The following RBFOX2 variants were observed in gnomAD, a reference collection of about 807,000 sequenced individuals.
RBFOX2 encodes the protein RNA binding fox-1 homolog 2.
In RBFOX2, 10 loss-of-function variants were observed where a neutral mutation model predicts 49.1. That is an observed-to-expected ratio of 0.20 (90% CI 0.13 to 0.35). The LOEUF is 0.35. Among genes scored for constraint, RBFOX2 ranks in the 10% least tolerant of loss-of-function variants. The pLI, the probability that RBFOX2 is intolerant of heterozygous loss-of-function variation, is 1.00. For synonymous variants in RBFOX2, 183 were observed against 187.4 expected (o/e 0.98, Z 0.19); for missense variants, 323 against 486.9 (o/e 0.66, Z 3.17).
At chr22:35,964,636 C>T (rs190045750), upstream of RBFOX2, among the ~76,000 whole-genome samples, 2 of 152,284 alleles carry the variant, frequency 1.3e-5, no homozygotes, top group East Asian at 3.9e-4. Context: ...CTAATGCAGT[C>T]AGGATCTATA....
intron 9 of RBFOX2, 197 bp from the exon 12 acceptor site, chr22:35,746,758 T>C (rs1247833953): frequency 2.5e-6 from 1 of 397,174 alleles, no homozygotes; most frequent in Admixed American, 4.4e-5. Context: ...AATTAAGCCC[T>C]ACGATATGCA....
At chr22:35,901,104 C>A (rs2048513774) in intron 1 of RBFOX2, among the ~76,000 whole-genome samples, 1 of 152,164 alleles carries the variant, frequency 6.6e-6, no homozygotes, top group African/African-American at 2.4e-5. Flanking sequence ...GTAAGACAGG[C>A]CCTGTTATCT....
chr22:35,994,626 A>C (rs1183399996), intron 1 of RBFOX2: 1 of 151,984 alleles, frequency 6.6e-6, no homozygotes, highest in Non-Finnish European at 1.5e-5. Flanking sequence ...AGCTGGTCTC[A>C]AACTCTTGGG....
intron 1 of RBFOX2, among the ~76,000 whole-genome samples, chr22:35,826,133 G>C (rs986570958): frequency 2.0e-5 from 3 of 150,478 alleles, no homozygotes; most frequent in Admixed American, 6.6e-5. Flanking sequence ...CTGAGGTCAG[G>C]AGTTCGAGAC....
At chr22:35,988,380 C>T (rs916851001) in intron 1 of RBFOX2, among the ~76,000 whole-genome samples, 20 of 152,104 alleles carry the variant, frequency 1.3e-4, no homozygotes, top group African/African-American at 3.4e-4. Flanking sequence ...TCCCTACCCT[C>T]GAAGAGCTTA....
chr22:35,909,028 T>C (rs998203442), intron 1 of RBFOX2, among the ~76,000 whole-genome samples: 1 of 152,046 alleles, frequency 6.6e-6, no homozygotes, highest in Non-Finnish European at 1.5e-5. Flanking sequence ...ATTTTTAGTA[T>C]AGACAGGGTT....
chr22:35,766,926 A>G, intron 5 of RBFOX2, among the ~76,000 whole-genome samples: 1 of 152,180 alleles, frequency 6.6e-6, no homozygotes, highest in East Asian at 1.9e-4. Context: ...AAGGATCCGG[A>G]AAAAGAGAGT....
At chr22:35,829,571 G>C (rs1167237223) in intron 1 of RBFOX2, among the ~76,000 whole-genome samples, 2 of 151,992 alleles carry the variant, frequency 1.3e-5, no homozygotes, top group Non-Finnish European at 2.9e-5. Flanking sequence ...AAAAGAAACA[G>C]AGAGAGGGAG....
intron 1 of RBFOX2, among the ~76,000 whole-genome samples, chr22:35,982,962 C>T (rs1008579257): frequency 2.0e-5 from 3 of 152,106 alleles, no homozygotes; most frequent in Non-Finnish European, 4.4e-5. Flanking sequence ...CTGTTTCACC[C>T]ACCCTCTCCC....
At position 35,894,601 on chromosome 22, in the gene RBFOX2, G is replaced by A. The variant is rs146794774; in HGVS notation, c.-34+44246C>T. The stretch of plus-strand genomic sequence containing the variant: ...ACTGCGCAGGGAGTTCAGCCCTTGC[G>A]CCTAAGTCTGACAAGATAAACAACA... On this transcript the variant is annotated intron_variant, in intron 1 of 13. Transcript: ENST00000359369. 1.4e-3 allele frequency among the ~76,000 whole-genome samples: 210 copies of A among 152,104 alleles called. 3 individuals are homozygous for A. The highest frequency in any genetic ancestry group is 4.7e-3 in the African/African-American group (197 of 41,516).
At chr22:35,818,958 ATAGTAACAG>A (rs1953818862) in intron 1 of RBFOX2, among the ~76,000 whole-genome samples, 1 of 152,242 alleles carries the variant, frequency 6.6e-6, no homozygotes, top group South Asian at 2.1e-4. Flanking sequence ...TGATATACAT[ATAGTAACAG>A]AGAAAAATTT....
rs565864878 is a variant in RBFOX2 at position 35,900,287 on chromosome 22, AT to A, written c.-34+38559del. Among the ~76,000 whole-genome samples the A allele has an allele frequency of 4.0e-5, 6 of 151,890 alleles. No homozygotes were observed. In the South Asian group the frequency reaches 6.3e-4, roughly 16 times the overall value. ...TGCCACCACACCCAGCTATTTTTGT[AT>A]TTTTAGTAGAGACAAGGTTTCACCA... On this transcript the variant is annotated intron_variant, in intron 1 of 13. Transcript: ENST00000359369.
chr22:35,755,814 G>A (rs920909803), intron 9 of RBFOX2, among the ~76,000 whole-genome samples: 4 of 152,072 alleles, frequency 2.6e-5, no homozygotes, highest in African/African-American at 9.7e-5. Context: ...ATGATCCACA[G>A]AACATCTGTG....
intron 1 of RBFOX2, among the ~76,000 whole-genome samples, chr22:35,979,311 G>A (rs1034872386): frequency 2.0e-5 from 3 of 152,140 alleles, no homozygotes; most frequent in Non-Finnish European, 4.4e-5. Flanking sequence ...CAAGATACCG[G>A]ACCAAAAAGG....
rs371535132 is a variant in RBFOX2, at chr22:35,781,733, C to T, written c.266G>A (p.Gly89Glu). The change falls in exon 3 of 12, where the codon GGA becomes GAA. Residue 89 changes from glycine (G) to glutamate (E), a missense_variant. Gly to Glu is a moderately conservative substitution (Grantham distance 98). Coordinates refer to ENST00000405409, the Ensembl canonical transcript of RBFOX2. The stretch of plus-strand genomic sequence containing the variant: ...TGACTGCTGGCCGTCTGTCTGTGCT[C>T]CACCTTCTGTCTGCTAAGCAAAGAA... 20 of 1,613,988 alleles carry T rather than the reference C, an allele frequency of 1.2e-5. No homozygotes were observed. In the East Asian group the frequency reaches 4.0e-4, roughly 32 times the overall value.
rs1937960941 is a variant in RBFOX2 at position 35,759,491 on chromosome 22, TAAG to T, written c.887+394_887+396del. 6.6e-6 allele frequency among the ~76,000 whole-genome samples: 1 copy of T among 152,086 alleles called. No individual in the cohort carries two copies. Among genetic ancestry groups the T allele is most frequent in the Non-Finnish European group, 1.5e-5 (1 of 68,022 alleles). ...CCTCTGCCCCAACACGGGGTGGTGATAAGGAGGTGAACACAGCAGATGCAGGCT... is the reference window on the plus strand; with the variant it reads ...CCTCTGCCCCAACACGGGGTGGTGATGAGGTGAACACAGCAGATGCAGGCT... On this transcript the variant is annotated intron_variant, in intron 9 of 11. Transcript: ENST00000405409. This position sits in a 1 kb window ranked among gnomAD's most constrained non-coding sequence, Gnocchi z 4.6.
chr22:35,853,317 G>T (rs908872866), intron 1 of RBFOX2, among the ~76,000 whole-genome samples: 7 of 149,106 alleles, frequency 4.7e-5, no homozygotes, highest in South Asian at 2.1e-4. Flanking sequence ...AAGAAAGAAA[G>T]AAAAATATTA....
intron 1 of RBFOX2, among the ~76,000 whole-genome samples, chr22:36,009,658 G>A (rs2058741474): frequency 6.6e-6 from 1 of 152,072 alleles, no homozygotes; most frequent in Admixed American, 6.5e-5. Flanking sequence ...CAAAGTGCTG[G>A]GATTACAGGC....
At chr22:36,005,643 C>G (rs902875705) in intron 1 of RBFOX2, among the ~76,000 whole-genome samples, 1 of 152,162 alleles carries the variant, frequency 6.6e-6, no homozygotes, top group East Asian at 1.9e-4. Context: ...GGTACTAGTT[C>G]GTCGTCAGAA....
Sources: gnomAD v4.1 joint callset for allele counts (sites outside exome capture counted in the v4.1 genomes callset) on GRCh38, gnomAD v4.1.1 for gene constraint, Gnocchi (gnomAD v3.1) non-coding constraint, MANE v1.5 for transcripts, NCBI Gene and HGNC (gene_info 2026-07-23, HGNC 2026-07-21) for gene names.